Variants in CSMD1 observed in about 807,000 individuals in gnomAD.
CSMD1 encodes the protein CUB and Sushi multiple domains 1.
CSMD1 carries 213 observed loss-of-function variants against 417.5 expected under a neutral mutation model. The observed-to-expected ratio is 0.51, with a 90% CI of 0.46 to 0.57. CSMD1 has a LOEUF of 0.57. Among genes scored for constraint, CSMD1 ranks in the 20% least tolerant of loss-of-function variants. CSMD1 has a pLI of 0.00. For missense variants in CSMD1, 6,923 were observed against 4,529.7 expected (o/e 1.53, Z -15.17); for synonymous variants, 2,862 against 1,736.8 (o/e 1.65, Z -16.11).
rs928355477 is a variant in CSMD1 at position 4,620,277 on chromosome 8, T to C, written c.302+17065A>G. 2.0e-4 allele frequency among the ~76,000 whole-genome samples: 31 copies of C among 151,540 alleles called. 1 individual carries two copies. Among genetic ancestry groups the C allele is most frequent in the African/African-American group, 7.5e-4 (31 of 41,410 alleles). On this transcript the variant is annotated intron_variant, in intron 2 of 69. Transcript: ENST00000635120. Reference sequence around the variant, plus strand: ...ACAATTGCTCTATCTAAAAGTCTGTTCTCCTGTAAGAAATATACATGTGTA... The same window carrying C: ...ACAATTGCTCTATCTAAAAGTCTGTCCTCCTGTAAGAAATATACATGTGTA...
chr8:3,495,297 G>C (rs1223095717), intron 10 of CSMD1, among the ~76,000 whole-genome samples: 1 of 152,112 alleles, frequency 6.6e-6, no homozygotes, highest in South Asian at 2.1e-4. Flanking sequence ...AGACCTGCTG[G>C]TTTCCTTTCC....
intron 12 of CSMD1, among the ~76,000 whole-genome samples, chr8:3,440,797 G>C (rs1418102722): frequency 2.0e-5 from 3 of 152,068 alleles, no homozygotes; most frequent in Non-Finnish European, 2.9e-5. Context: ...TTGTTGTTTT[G>C]TAAGTGCTCT....
At chr8:3,415,266 A>G (rs1030775769) in intron 12 of CSMD1, among the ~76,000 whole-genome samples, 3 of 152,180 alleles carry the variant, frequency 2.0e-5, no homozygotes, top group Non-Finnish European at 2.9e-5. Flanking sequence ...TTTCTTGAGA[A>G]CACCTATACT....
At chr8:3,630,774 G>A (rs778928767) in intron 7 of CSMD1, among the ~76,000 whole-genome samples, 9 of 152,234 alleles carry the variant, frequency 5.9e-5, no homozygotes, top group Non-Finnish European at 1.3e-4. Flanking sequence ...CACCATGGTG[G>A]CTAAAGCAAT....
intron 5 of CSMD1, among the ~76,000 whole-genome samples, chr8:3,827,366 T>C (rs949402183): frequency 1.3e-5 from 2 of 152,210 alleles, no homozygotes; most frequent in African/African-American, 4.8e-5. Flanking sequence ...TTAAAAGACA[T>C]TCTGTTTCAG....
At chr8:3,920,354 T>C (rs928444377) in intron 5 of CSMD1, among the ~76,000 whole-genome samples, 41 of 151,762 alleles carry the variant, frequency 2.7e-4, no homozygotes, top group Middle Eastern at 3.4e-3. Flanking sequence ...AAGATGCGTG[T>C]GTGTTTGTGT....
At chr8:3,554,545 C>T (rs1293374138) in intron 10 of CSMD1, among the ~76,000 whole-genome samples, 1 of 152,170 alleles carries the variant, frequency 6.6e-6, no homozygotes, top group Non-Finnish European at 1.5e-5. Context: ...CCCCCAGCTC[C>T]TGCTCTGTTG....
At chr8:3,741,289 T>A (rs1357547018) in intron 6 of CSMD1, among the ~76,000 whole-genome samples, 1 of 150,488 alleles carries the variant, frequency 6.6e-6, no homozygotes, top group Admixed American at 6.6e-5. Context: ...GCGGTAGAGT[T>A]TAGTAGGTCA....
chr8:4,088,973 G>A (rs1044155493), intron 3 of CSMD1, among the ~76,000 whole-genome samples: 4 of 151,960 alleles, frequency 2.6e-5, no homozygotes, highest in African/African-American at 4.8e-5. Flanking sequence ...ACACACCCCT[G>A]TTCTGTGCTC....
At chr8:3,238,500 G>C (rs968235744) in intron 26 of CSMD1, among the ~76,000 whole-genome samples, 2 of 152,074 alleles carry the variant, frequency 1.3e-5, no homozygotes, top group African/African-American at 4.8e-5. Flanking sequence ...GAGACATAAT[G>C]GGCGATGTTT....
chr8:3,952,635 C>G (rs1156602725), intron 5 of CSMD1, among the ~76,000 whole-genome samples: 1 of 152,128 alleles, frequency 6.6e-6, no homozygotes, highest in Non-Finnish European at 1.5e-5. Flanking sequence ...ATGGGTAGAG[C>G]TGTTTTCCTG....
intron 5 of CSMD1, among the ~76,000 whole-genome samples, chr8:3,856,142 G>A (rs1804294812): frequency 6.6e-6 from 1 of 152,058 alleles, no homozygotes; most frequent in African/African-American, 2.4e-5. Context: ...GGTGGGAGGT[G>A]ACTGGATTGT....
chr8:4,044,512 G>C (rs558089333), intron 3 of CSMD1, among the ~76,000 whole-genome samples: 1 of 152,312 alleles, frequency 6.6e-6, no homozygotes, highest in South Asian at 2.1e-4. Context: ...AGGGAGGAAG[G>C]ACAGTCAGGA....
At chr8:4,435,329 G>C (rs112219502) in intron 2 of CSMD1, among the ~76,000 whole-genome samples, 1 of 152,108 alleles carries the variant, frequency 6.6e-6, no homozygotes, top group African/African-American at 2.4e-5. Context: ...GTAAAATGCA[G>C]GATTATGGAG....
intron 54 of CSMD1, among the ~76,000 whole-genome samples, chr8:2,989,583 G>A (rs1217809032): frequency 2.0e-5 from 3 of 152,176 alleles, no homozygotes; most frequent in Non-Finnish European, 2.9e-5. Context: ...TAATCCTGAA[G>A]AGTTTAAAAT....
chr8:4,234,107 T>C (rs2128816318), intron 3 of CSMD1, among the ~76,000 whole-genome samples: 1 of 152,272 alleles, frequency 6.6e-6, no homozygotes, highest in African/African-American at 2.4e-5. Flanking sequence ...GTACATCAAG[T>C]GCTACAGGAG....
chr8:4,579,063 G>A (rs1799283754), intron 2 of CSMD1, among the ~76,000 whole-genome samples: 4 of 151,726 alleles, frequency 2.6e-5, no homozygotes, highest in Admixed American at 2.6e-4. Context: ...ATATCTTTCT[G>A]CAATAAACTG....
Position 3,417,708 on chromosome 8 carries a change from G to A in CSMD1, c.1562-8103C>T, listed in dbSNP as rs933531556. ...TTGTGCAACTGACCACACTGTGCCT[G>A]CTCTTAGATTCTCATTTTTTTTCCC... On this transcript the variant is annotated intron_variant, in intron 12 of 69. Coordinates refer to ENST00000635120, the MANE Select transcript of CSMD1 (RefSeq NM_033225.6). Among the ~76,000 whole-genome samples the A allele has an allele frequency of 6.6e-5, 10 of 152,180 alleles. No homozygotes were observed. In the South Asian group the frequency reaches 1.2e-3, roughly 19 times the overall value.
Position 4,011,174 on chromosome 8 carries a change from C to G in CSMD1, c.611-13064G>C, listed in dbSNP as rs112193250. ...GCCTACTTATAAAATATCTTTCCTGCAAATATTTCTACCTAGTGGGTACAC... is the reference window on the plus strand; with the variant it reads ...GCCTACTTATAAAATATCTTTCCTGGAAATATTTCTACCTAGTGGGTACAC... On this transcript the variant is annotated intron_variant, in intron 4 of 69. Coordinates refer to ENST00000635120, the MANE Select transcript of CSMD1 (RefSeq NM_033225.6). 6.6e-3 allele frequency among the ~76,000 whole-genome samples: 1,012 copies of G among 152,272 alleles called. 10 individuals carry two copies. Among genetic ancestry groups the G allele is most frequent in the African/African-American group, 0.024 (977 of 41,528 alleles).
Sources: allele counts gnomAD v4.1 joint callset (sites outside exome capture counted in the v4.1 genomes callset), GRCh38; gene constraint gnomAD v4.1.1; transcripts MANE v1.5; gene names NCBI Gene and HGNC (gene_info 2026-07-23, HGNC 2026-07-21).